The following UST variants were observed in gnomAD, a reference collection of about 807,000 sequenced individuals.
The protein encoded by UST is uronyl 2-sulfotransferase.
UST carries 21 observed loss-of-function variants against 45.6 expected under a neutral mutation model. That is an observed-to-expected ratio of 0.46 (90% CI 0.33 to 0.66). UST has a LOEUF of 0.66. Ranked by LOEUF, UST falls within the 30% of genes least tolerant of loss-of-function variation. The pLI, the probability that UST is intolerant of heterozygous loss-of-function variation, is 0.02. For synonymous variants in UST, 215 were observed against 200.6 expected, an observed-to-expected ratio of 1.07 and a Z score of -0.61; for missense variants, 463 against 512.4, an observed-to-expected ratio of 0.90 and a Z score of 0.93.
chr6:148,836,929 T>C (rs1269288769), intron 1 of UST, among the ~76,000 whole-genome samples: 1 of 152,194 alleles, frequency 6.6e-6, no homozygotes, highest in Admixed American at 6.5e-5. Context: ...CAAGAAAATA[T>C]GAGTAATTCT....
intron 2 of UST, among the ~76,000 whole-genome samples, chr6:148,889,197 C>T (rs1476774008): frequency 2.0e-5 from 3 of 152,232 alleles, no homozygotes; most frequent in Non-Finnish European, 4.4e-5. Flanking sequence ...CAAGCTCCCA[C>T]ATGATGCTGA....
chr6:149,023,574 A>G (rs1171076562), intron 7 of UST, among the ~76,000 whole-genome samples: 1 of 152,182 alleles, frequency 6.6e-6, no homozygotes, highest in Admixed American at 6.5e-5. Flanking sequence ...GTTTATTTTA[A>G]TGAGCACTCT....
At chr6:148,999,596 C>T (rs1360678090) in intron 5 of UST, among the ~76,000 whole-genome samples, 1 of 139,278 alleles carries the variant, frequency 7.2e-6, no homozygotes, top group African/African-American at 2.5e-5. Context: ...GAAGAACCCT[C>T]AGGAATAATG....
chr6:148,978,420 C>G (rs1294738984), intron 5 of UST, among the ~76,000 whole-genome samples: 3 of 152,090 alleles, frequency 2.0e-5, no homozygotes, highest in African/African-American at 4.8e-5. Context: ...TTGGAACTAA[C>G]CCAAATGCCC....
chr6:149,039,607 G>A (rs1182361552), intron 7 of UST, among the ~76,000 whole-genome samples: 1 of 152,206 alleles, frequency 6.6e-6, no homozygotes, highest in East Asian at 1.9e-4. Flanking sequence ...CATACTCAGG[G>A]TCTCATAGCT....
At chr6:148,992,043 A>G (rs972947099) in intron 5 of UST, among the ~76,000 whole-genome samples, 1 of 152,338 alleles carries the variant, frequency 6.6e-6, no homozygotes, top group South Asian at 2.1e-4. Flanking sequence ...GAAGAATACC[A>G]TGACCTGTGG....
chr6:149,061,245 A>C (rs1046159573), intron 7 of UST, among the ~76,000 whole-genome samples: 1 of 152,158 alleles, frequency 6.6e-6, no homozygotes, highest in African/African-American at 2.4e-5. Context: ...TCCATTATGC[A>C]TGTTTGACAG....
At chr6:148,828,993 G>T (rs1777628193) in intron 1 of UST, among the ~76,000 whole-genome samples, 1 of 152,146 alleles carries the variant, frequency 6.6e-6, no homozygotes, top group African/African-American at 2.4e-5. Context: ...GAACAAGCAG[G>T]AATTGCTCAA....
At chr6:148,817,527 G>A (rs1777379086) in intron 1 of UST, among the ~76,000 whole-genome samples, 1 of 152,116 alleles carries the variant, frequency 6.6e-6, no homozygotes, top group African/African-American at 2.4e-5. Flanking sequence ...TACATTGGTT[G>A]GGTTCAGAAA....
intron 1 of UST, 87 bp downstream of exon 1, chr6:148,747,764 T>TGCCACCGCGCGCC (rs1345104173): frequency 2.8e-6 from 4 of 1,429,220 alleles, no homozygotes; most frequent in Non-Finnish European, 3.7e-6. Flanking sequence ...CTTCTCGCGC[T>TGCCACCGCGCGCC]GCCACCGCGC....
chr6:148,796,485 G>A (rs547584789), intron 1 of UST, among the ~76,000 whole-genome samples: 23 of 151,984 alleles, frequency 1.5e-4, no homozygotes, highest in African/African-American at 3.4e-4. Flanking sequence ...TTAGATGGAC[G>A]TGGTGGCACG....
intron 1 of UST, among the ~76,000 whole-genome samples, chr6:148,774,609 TAATCTGTTAGA>T (rs1387640994): frequency 6.6e-6 from 1 of 152,212 alleles, no homozygotes; most frequent in Non-Finnish European, 1.5e-5. Flanking sequence ...GCGTGAAGTA[TAATCTGTTAGA>T]ACAAAAATCT....
At chr6:148,929,805 G>A (rs1779887861) in intron 2 of UST, among the ~76,000 whole-genome samples, 2 of 152,290 alleles carry the variant, frequency 1.3e-5, no homozygotes, top group East Asian at 3.9e-4. Flanking sequence ...TTGTCCTGCT[G>A]TGTTGCTATG....
chr6:148,918,074 T>C lies in UST; in HGVS notation c.292-23205T>C, dbSNP rs539046025. ...GACTGAGGCCGGATGACCTTAAGAA[T>C]GAAACCCAAGCCCTCGTGGGGTTAA... On this transcript the variant is annotated intron_variant, in intron 2 of 7. Coordinates refer to ENST00000367463, the MANE Select transcript of UST (RefSeq NM_005715.3). 1.4e-4 allele frequency among the ~76,000 whole-genome samples: 21 copies of C among 152,334 alleles called. No individual in the cohort carries two copies. The South Asian group carries it at 2.9e-3, about 21-fold the overall frequency.
chr6:148,751,755 G>GTA (rs1389003795), intron 1 of UST, among the ~76,000 whole-genome samples: 3 of 151,024 alleles, frequency 2.0e-5, no homozygotes, highest in Non-Finnish European at 3.0e-5. Context: ...TTTTTGAAAT[G>GTA]GCATTCAAAC....
intron 1 of UST, among the ~76,000 whole-genome samples, chr6:148,807,899 C>T (rs1322489955): frequency 1.3e-5 from 2 of 152,196 alleles, no homozygotes; most frequent in African/African-American, 4.8e-5. Context: ...CCTGAACTCA[C>T]TTTCTAGCTG....
intron 5 of UST, among the ~76,000 whole-genome samples, chr6:148,965,179 A>C (rs994106978): frequency 1.3e-5 from 2 of 152,194 alleles, no homozygotes; most frequent in African/African-American, 4.8e-5. Flanking sequence ...TCAGCTCCAT[A>C]AGGGATGTTA....
intron 7 of UST, among the ~76,000 whole-genome samples, chr6:149,067,954 G>A (rs771181930): frequency 6.6e-6 from 1 of 152,182 alleles, no homozygotes; most frequent in African/African-American, 2.4e-5. Flanking sequence ...CCTCTCAGGT[G>A]GAACTCTGCA....
intron 7 of UST, among the ~76,000 whole-genome samples, chr6:149,026,125 G>A (rs1214654280): frequency 3.3e-5 from 5 of 149,546 alleles, no homozygotes; most frequent in African/African-American, 2.5e-5. Context: ...TCCAGCCTAG[G>A]TGACAGTGTG....
Sources: allele counts gnomAD v4.1 joint callset (sites outside exome capture counted in the v4.1 genomes callset), GRCh38; gene constraint gnomAD v4.1.1; transcripts MANE v1.5; gene names NCBI Gene and HGNC (gene_info 2026-07-23, HGNC 2026-07-21).